PDE2A: variants seen among roughly 807,000 people sequenced by gnomAD.
PDE2A encodes the protein cGMP-dependent 3',5'-cyclic phosphodiesterase.
Under a neutral mutation model 133.6 loss-of-function variants are expected in PDE2A, and 53 were observed. The ratio of observed to expected loss-of-function variants is 0.40; its 90% CI spans 0.32 to 0.50. PDE2A has a LOEUF of 0.50. Ranked by LOEUF, PDE2A falls within the 20% of genes least tolerant of loss-of-function variation. The probability of loss-of-function intolerance (pLI) is 0.73; values close to 1 mark genes in which losing one functional copy is unlikely to be tolerated. For missense variants in PDE2A, 796 were observed against 1,232.4 expected, an observed-to-expected ratio of 0.65 and a Z score of 5.30; for synonymous variants, 491 against 490.2, an observed-to-expected ratio of 1.00 and a Z score of -0.02.
chr11:72,651,486 A>G (rs769800606), intron 1 of PDE2A, among the ~76,000 whole-genome samples: 15 of 152,140 alleles, frequency 9.9e-5, no homozygotes, highest in Non-Finnish European at 1.3e-4. Flanking sequence ...GGGAGAGGCC[A>G]GGGTCTGGGG....
rs371821971 is a variant in PDE2A at position 72,627,571 on chromosome 11, G to A, written c.144+14683C>T. 1.6e-4 allele frequency among the ~76,000 whole-genome samples: 24 copies of A among 152,334 alleles called. 1 individual carries two copies. In the South Asian group the frequency reaches 4.6e-3, roughly 29 times the overall value. On this transcript the variant is annotated intron_variant, in intron 2 of 30. Transcript: ENST00000334456. Reference sequence around the variant, plus strand: ...GTGAACACAACAATGTGGCTGTAGCGCTGGCTGTCTCAGGGCATAAGGGGA... The same window carrying A: ...GTGAACACAACAATGTGGCTGTAGCACTGGCTGTCTCAGGGCATAAGGGGA...
chr11:72,668,227 T>G (rs1178510406), intron 1 of PDE2A: 1 of 716,770 alleles, frequency 1.4e-6, no homozygotes, highest in African/African-American at 1.7e-5. Flanking sequence ...GGAACAGTAA[T>G]GTATGGAAAG....
At chr11:72,594,636 A>G (rs1856390150) in intron 6 of PDE2A, among the ~76,000 whole-genome samples, 2 of 152,052 alleles carry the variant, frequency 1.3e-5, no homozygotes, top group Admixed American at 6.5e-5. Flanking sequence ...CCTGCTCAAC[A>G]GCATGCACCC....
At chr11:72,606,297 T>C (rs1856969933) in intron 3 of PDE2A, among the ~76,000 whole-genome samples, 2 of 152,148 alleles carry the variant, frequency 1.3e-5, no homozygotes, top group African/African-American at 2.4e-5. Context: ...GCCTCCCAGC[T>C]GAGGGTATCC....
intron 19 of PDE2A, among the ~76,000 whole-genome samples, chr11:72,583,920 G>A (rs995103372): frequency 2.6e-5 from 4 of 152,192 alleles, no homozygotes; most frequent in Non-Finnish European, 5.9e-5. Context: ...CTTGGGTTGA[G>A]ACTGCTTCCA....
In PDE2A at chr11:72,608,666, C is replaced by CG; in HGVS notation, c.229dup (p.Arg77ProfsTer13). 1 of 1,544,076 alleles carries CG rather than the reference C, an allele frequency of 6.5e-7. No homozygotes were observed. Among genetic ancestry groups the CG allele is most frequent in the Non-Finnish European group, 8.8e-7 (1 of 1,132,808 alleles). Reference sequence around the variant, plus strand: ...GGGGCAAGGGCGGGCACCTACCACTCGGGGGAGCACAGCTGACAGGGCCTC... The same window carrying CG: ...GGGGCAAGGGCGGGCACCTACCACTCGGGGGGAGCACAGCTGACAGGGCCTC... On this transcript the variant is annotated frameshift_variant, in exon 3 of 31. Coordinates refer to ENST00000334456, the MANE Select transcript of PDE2A (RefSeq NM_002599.5). LOFTEE classifies it high-confidence loss of function.
intron 19 of PDE2A, among the ~76,000 whole-genome samples, chr11:72,583,885 C>T (rs1025362917): frequency 1.3e-5 from 2 of 152,130 alleles, no homozygotes; most frequent in African/African-American, 4.8e-5. Context: ...ACACCGAGAC[C>T]CAGCACTTCC....
chr11:72,632,676 C>G (rs754687717), intron 2 of PDE2A, among the ~76,000 whole-genome samples: 1 of 152,164 alleles, frequency 6.6e-6, no homozygotes, highest in East Asian at 1.9e-4. Flanking sequence ...TTCTTTTCCA[C>G]CCACAGCCAG....
chr11:72,617,957 T>G (rs887966123), intron 2 of PDE2A, among the ~76,000 whole-genome samples: 2 of 152,184 alleles, frequency 1.3e-5, no homozygotes, highest in African/African-American at 4.8e-5. Context: ...GGGGCACGCC[T>G]GCCCTCCGGG....
intron 4 of PDE2A, chr11:72,598,480 C>G (rs185577477): frequency 2.3e-6 from 3 of 1,285,620 alleles, no homozygotes; most frequent in East Asian, 1.1e-4. Flanking sequence ...TACCCCCCAG[C>G]CTCTGGCTCA....
intron 2 of PDE2A, among the ~76,000 whole-genome samples, chr11:72,628,330 G>T (rs563097024): frequency 3.8e-4 from 54 of 143,666 alleles, no homozygotes; most frequent in African/African-American, 1.3e-3. Context: ...AATGATAGAG[G>T]TTCTTTTTTT....
chr11:72,666,917 C>A (rs1017169820), intron 1 of PDE2A, among the ~76,000 whole-genome samples: 3 of 152,084 alleles, frequency 2.0e-5, no homozygotes, highest in Non-Finnish European at 4.4e-5. Flanking sequence ...ACCAGCCTGG[C>A]CAACATGGTG....
chr11:72,624,477 A>G lies in PDE2A; in HGVS notation c.145-15726T>C, dbSNP rs112552846. On this transcript the variant is annotated intron_variant, in intron 2 of 30. Transcript: ENST00000334456. ...ACACGCCCACTTCCACACACTTGCTATCACTCCATGTCATGCCTTTGTTTA... is the reference window on the plus strand; with the variant it reads ...ACACGCCCACTTCCACACACTTGCTGTCACTCCATGTCATGCCTTTGTTTA... Among the ~76,000 whole-genome samples, 227 of 152,238 alleles carry G rather than the reference A, an allele frequency of 1.5e-3. 1 individual carries two copies. The highest frequency in any genetic ancestry group is 5.1e-3 in the African/African-American group (213 of 41,538).
chr11:72,639,479 C>A (rs1414267543), intron 2 of PDE2A, among the ~76,000 whole-genome samples: 1 of 152,230 alleles, frequency 6.6e-6, no homozygotes, highest in Non-Finnish European at 1.5e-5. Flanking sequence ...AAACTCCAAG[C>A]CCAGCCTAAG....
Position 72,590,116 on chromosome 11 carries a change from T to C in PDE2A, c.756+76A>G. 7.0e-7 allele frequency: 1 copy of C among 1,424,992 alleles called. No homozygotes were observed. The highest frequency in any genetic ancestry group is 9.6e-7 in the Non-Finnish European group (1 of 1,037,272). The allele number at this position is 1,424,992 out of a possible 1,614,324, so 88.3% of individuals were successfully genotyped here. On this transcript the variant is annotated intron_variant, in intron 9 of 30. Coordinates refer to ENST00000334456, the MANE Select transcript of PDE2A (RefSeq NM_002599.5). This position sits in a 1 kb window ranked among gnomAD's most constrained non-coding sequence, Gnocchi z 4.8. Reference sequence around the variant, plus strand: ...AAGGACATCGTAATTGGAACTGAGATGGAGGGCTCAAGGGGAAGTTGGTCC... The same window carrying C: ...AAGGACATCGTAATTGGAACTGAGACGGAGGGCTCAAGGGGAAGTTGGTCC...
rs561597689 is a variant in PDE2A at position 72,614,997 on chromosome 11, C to G, written c.145-6246G>C. 11 of 408,852 alleles carry G rather than the reference C, an allele frequency of 2.7e-5. No homozygotes were observed. In the East Asian group the frequency reaches 8.0e-4, roughly 30 times the overall value. The allele number at this position is 408,852 out of a possible 1,614,324, so 25.3% of individuals were successfully genotyped here. ...TCCTCCCCTCCCTCCTCTACTTACC[C>G]CCTCCCGCTCCATGCCCCCATCCCT... On this transcript the variant is annotated intron_variant, in intron 2 of 30. Transcript: ENST00000334456.
intron 1 of PDE2A, among the ~76,000 whole-genome samples, chr11:72,666,648 T>C (rs1170966899): frequency 2.0e-5 from 3 of 152,136 alleles, no homozygotes; most frequent in Admixed American, 6.5e-5. Context: ...CACACACACA[T>C]ATCCCCTCAT....
intron 1 of PDE2A, among the ~76,000 whole-genome samples, chr11:72,663,766 C>T (rs1011573568): frequency 4.0e-5 from 6 of 150,622 alleles, no homozygotes; most frequent in African/African-American, 1.5e-4. Context: ...GAAAACCAAA[C>T]AAACAAAAAA....
chr11:72,658,851 C>T (rs988969561), intron 1 of PDE2A, among the ~76,000 whole-genome samples: 12 of 151,894 alleles, frequency 7.9e-5, no homozygotes, highest in African/African-American at 2.4e-4. Flanking sequence ...GAGTCAGCAC[C>T]GAGTCTTCTA....
Sources: allele counts gnomAD v4.1 joint callset (sites outside exome capture counted in the v4.1 genomes callset), GRCh38; gene constraint gnomAD v4.1.1; non-coding constraint Gnocchi (gnomAD v3.1); transcripts MANE v1.5; gene names NCBI Gene and HGNC (gene_info 2026-07-23, HGNC 2026-07-21).